BCL2L10: variants seen among roughly 807,000 people sequenced by gnomAD.
The protein encoded by BCL2L10 is bcl-2-like protein 10.
BCL2L10 carries 14 observed loss-of-function variants against 11.1 expected under a neutral mutation model. The observed-to-expected ratio is 1.26, with a 90% CI of 0.83 to 1.96. The LOEUF (loss-of-function observed/expected upper bound fraction) is 1.96, where lower values mean the gene tolerates loss of function less well. BCL2L10 is among the 30% of genes most tolerant of loss of function. The probability of loss-of-function intolerance (pLI) is 0.00; values close to 1 mark genes in which losing one functional copy is unlikely to be tolerated. For synonymous variants in BCL2L10, 154 were observed against 133.4 expected (o/e 1.15, Z -1.07); for missense variants, 309 against 273.9 (o/e 1.13, Z -0.90).
Position 52,109,878 on chromosome 15 carries a change from G to T in BCL2L10, c.585C>A (p.Ala195=). The T allele has an allele frequency of 6.2e-7, 1 of 1,613,784 alleles. No homozygotes were observed. Among genetic ancestry groups the T allele is most frequent in the Non-Finnish European group, 8.5e-7 (1 of 1,179,782 alleles). Residue 195 remains alanine, a synonymous_variant, in exon 2 of 2, where the codon GCC becomes GCA. Coordinates refer to ENST00000260442, the MANE Select transcript of BCL2L10 (RefSeq NM_020396.4). ...QAFLSCLLTT[A]FIYLWTRLL ...ATAATCGTGTCCAGAGATAAATGAA[G>T]GCTGTTGTTAACAAGCATGACAGAA...
At position 52,111,786 on chromosome 15, in the gene BCL2L10, G is replaced by C. The variant is rs533452550; in HGVS notation, c.489+452C>G. 2.4e-4 allele frequency among the ~76,000 whole-genome samples: 36 copies of C among 152,334 alleles called. No homozygotes were observed. In the East Asian group the frequency reaches 6.9e-3, roughly 29 times the overall value. On this transcript the variant is annotated intron_variant, in intron 1 of 1. Coordinates refer to ENST00000260442, the MANE Select transcript of BCL2L10 (RefSeq NM_020396.4). ...CTGGCCAGGCTGAGAGGCGTAGGGG[G>C]TTGTGATCAATGGGTCTGAGTCTCT...
Position 52,109,828 on chromosome 15 carries a change from C to G in BCL2L10, c.*20G>C. The stretch of plus-strand genomic sequence containing the variant: ...TTGGTCACAGTTGGGCAGGTAGAAG[C>G]GGGTTAAAAGTTTTAAAACTCATAA... On this transcript the variant is annotated 3_prime_UTR_variant, in exon 2 of 2. Coordinates refer to ENST00000260442, the MANE Select transcript of BCL2L10 (RefSeq NM_020396.4). 6.2e-7 allele frequency: 1 copy of G among 1,612,090 alleles called. No individual in the cohort carries two copies. The highest frequency in any genetic ancestry group is 8.5e-7 in the Non-Finnish European group (1 of 1,179,002).
chr15:52,110,584 C>T (rs1183122318), intron 1 of BCL2L10, among the ~76,000 whole-genome samples: 3 of 152,144 alleles, frequency 2.0e-5, no homozygotes, highest in Admixed American at 6.5e-5. Context: ...CATGCACCTG[C>T]CACCGTGCTT....
chr15:52,111,830 G>A (rs571624435), intron 1 of BCL2L10, among the ~76,000 whole-genome samples: 64 of 152,298 alleles, frequency 4.2e-4, no homozygotes, highest in Non-Finnish European at 7.5e-4. Flanking sequence ...GCATTTAATA[G>A]GCGAAGGAGA....
rs1228158147 is a variant in BCL2L10, at chr15:52,112,763, T to A, written c.-37A>T. 7 of 1,490,916 alleles carry A rather than the reference T, an allele frequency of 4.7e-6. No homozygotes were observed. In the East Asian group the frequency reaches 1.6e-4, roughly 34 times the overall value. 92.4% of individuals were successfully genotyped at this position (1,490,916 alleles called of 1,614,324 possible). On this transcript the variant is annotated 5_prime_UTR_variant, in exon 1 of 2. Transcript: ENST00000260442. ...TGCTGGGGGGCCGGGCCTTCGCTGG[T>A]TTTCTTGGCCCGGCCGCGCCTCCCC... is the stretch of plus-strand genomic sequence containing the variant.
chr15:52,109,859 G>T lies in BCL2L10; in HGVS notation c.604C>A (p.Arg202=), dbSNP rs756991240. The T allele has an allele frequency of 6.8e-6, 11 of 1,613,662 alleles. No individual in the cohort carries two copies. In the East Asian group the frequency reaches 2.2e-4, roughly 33 times the overall value. Residue 202 remains arginine (R), a synonymous_variant, in exon 2 of 2, where the codon CGA becomes AGA. Coordinates refer to ENST00000260442, the MANE Select transcript of BCL2L10 (RefSeq NM_020396.4). Reference sequence around the variant, plus strand: ...AAAAGTTTTAAAACTCATAATAATCGTGTCCAGAGATAAATGAAGGCTGTT... The same window carrying T: ...AAAAGTTTTAAAACTCATAATAATCTTGTCCAGAGATAAATGAAGGCTGTT... ...LTTAFIYLWT[R]LL
At chr15:52,111,292 C>T (rs560228547) in intron 1 of BCL2L10, among the ~76,000 whole-genome samples, 10 of 151,690 alleles carry the variant, frequency 6.6e-5, no homozygotes, top group African/African-American at 2.2e-4. Flanking sequence ...TCCTTGAACC[C>T]GGGAGGCAGA....
chr15:52,112,765 T>G lies in BCL2L10; in HGVS notation c.-39A>C. 1 of 1,487,982 alleles carries G rather than the reference T, an allele frequency of 6.7e-7. No individual in the cohort carries two copies. Among genetic ancestry groups the G allele is most frequent in the Non-Finnish European group, 8.9e-7 (1 of 1,126,934 alleles). 92.2% of individuals were successfully genotyped at this position (1,487,982 alleles called of 1,614,324 possible). On this transcript the variant is annotated 5_prime_UTR_variant, in exon 1 of 2. Transcript: ENST00000260442. ...CTGGGGGGCCGGGCCTTCGCTGGTT[T>G]TCTTGGCCCGGCCGCGCCTCCCCCA...
At chr15:52,110,062 AG>A in intron 1 of BCL2L10, 89 bp from the exon 2 acceptor site, 1 of 1,322,150 alleles carries the variant, frequency 7.6e-7, no homozygotes, top group Non-Finnish European at 1.0e-6. Context: ...TAAACAGCAA[AG>A]TAAAGTTTGG....
At chr15:52,110,910 G>A (rs1263246629) in intron 1 of BCL2L10, among the ~76,000 whole-genome samples, 2 of 152,126 alleles carry the variant, frequency 1.3e-5, no homozygotes, top group African/African-American at 4.8e-5. Flanking sequence ...TCTTAGGCAC[G>A]CAGCTGAAGG....
intron 1 of BCL2L10, among the ~76,000 whole-genome samples, chr15:52,111,325 C>T (rs1284370354): frequency 1.3e-5 from 2 of 151,918 alleles, no homozygotes; most frequent in African/African-American, 4.8e-5. Context: ...CTGGGATCCA[C>T]CACCGCACTC....
At position 52,109,951 on chromosome 15, in the gene BCL2L10, C is replaced by T; in HGVS notation, c.512G>A (p.Arg171Lys). ...GGWDGFCHFF[R>K]TPFPLAFWRK... ...CCAAAAAGCCAGTGGAAAGGGGGTCCTGAAGAAGTGACAAAAGCCATCCTA... is the reference window on the plus strand; with the variant it reads ...CCAAAAAGCCAGTGGAAAGGGGGTCTTGAAGAAGTGACAAAAGCCATCCTA... Residue 171 changes from arginine to lysine, a missense_variant, in exon 2 of 2, where the codon AGG becomes AAG. Arg to Lys is a conservative substitution (Grantham distance 26). Transcript: ENST00000260442. The T allele has an allele frequency of 6.2e-7, 1 of 1,612,080 alleles. No individual in the cohort carries two copies. Among genetic ancestry groups the T allele is most frequent in the Non-Finnish European group, 8.5e-7 (1 of 1,179,182 alleles).
intron 1 of BCL2L10, among the ~76,000 whole-genome samples, chr15:52,111,987 T>C (rs958963810): frequency 2.0e-5 from 3 of 152,200 alleles, no homozygotes; most frequent in African/African-American, 4.8e-5. Context: ...TGAGCAGACC[T>C]AAGCCTGCGC....
Position 52,112,716 on chromosome 15 carries a change from T to G in BCL2L10, c.11A>C (p.Gln4Pro), listed in dbSNP as rs1436145306. 3 of 1,531,908 alleles carry G rather than the reference T, an allele frequency of 2.0e-6. No individual in the cohort carries two copies. Among genetic ancestry groups the G allele is most frequent in the Middle Eastern group, 1.9e-4 (1 of 5,252 alleles). The allele number at this position is 1,531,908 out of a possible 1,614,324, so 94.9% of individuals were successfully genotyped here. A position where few individuals can be genotyped will look rare whatever the true frequency, so the allele number is the denominator to read the frequency against. MVD[Q>P]LRERTTMADP... ...GGCCATGGTGGTGCGCTCCCGCAAC[T>G]GGTCAACCATGGTCCGGCCTCTGCT... The change falls in exon 1 of 2, where the codon CAG (glutamine) becomes CCG (proline). Residue 4 changes from glutamine to proline, a missense_variant. Coordinates refer to ENST00000260442, the MANE Select transcript of BCL2L10 (RefSeq NM_020396.4).
intron 1 of BCL2L10, among the ~76,000 whole-genome samples, chr15:52,110,271 G>A (rs1187597968): frequency 6.6e-6 from 1 of 152,176 alleles, no homozygotes; most frequent in Non-Finnish European, 1.5e-5. Flanking sequence ...GAGCAAAGAA[G>A]AGATGCCTTT....
intron 1 of BCL2L10, 176 bp downstream of exon 1, chr15:52,112,062 G>A (rs1812457714): frequency 1.2e-5 from 15 of 1,251,220 alleles, no homozygotes; most frequent in African/African-American, 1.6e-5. Context: ...TCTGCCAGGG[G>A]AGGAGAAACC....
chr15:52,111,173 AACACACAC>A (rs71130130), intron 1 of BCL2L10, among the ~76,000 whole-genome samples: 8,877 of 121,762 alleles, frequency 0.073, 396 homozygotes, highest in African/African-American at 0.14. Flanking sequence ...CTCTACTGAA[AACACACAC>A]ACACACACAC....
At chr15:52,112,156 T>G in intron 1 of BCL2L10, 82 bp downstream of exon 1, 1 of 1,400,248 alleles carries the variant, frequency 7.1e-7, no homozygotes, top group Non-Finnish European at 9.2e-7. Flanking sequence ...CCTGGCGCGG[T>G]GGGTTCCTCA....
intron 1 of BCL2L10, among the ~76,000 whole-genome samples, chr15:52,110,238 G>A (rs2033033998): frequency 6.6e-6 from 1 of 152,144 alleles, no homozygotes; most frequent in Non-Finnish European, 1.5e-5. Flanking sequence ...CCAAGAGGAA[G>A]GTAGCTTATT....
Sources: allele counts gnomAD v4.1 joint callset (sites outside exome capture counted in the v4.1 genomes callset), GRCh38; gene constraint gnomAD v4.1.1; transcripts MANE v1.5; gene names NCBI Gene and HGNC (gene_info 2026-07-23, HGNC 2026-07-21).